RNF20: variants seen among roughly 807,000 people sequenced by gnomAD.
RNF20 encodes E3 ubiquitin-protein ligase BRE1A.
A neutral mutation model predicts 126.2 loss-of-function variants in RNF20; 84 were observed. That is an observed-to-expected ratio of 0.67 (90% CI 0.56 to 0.80). The LOEUF is 0.80. RNF20 is among the 30% of genes least tolerant of loss of function. RNF20 has a pLI of 0.00. For synonymous variants in RNF20, 400 were observed against 414.3 expected (o/e 0.97, Z 0.42); for missense variants, 869 against 1,188.2 (o/e 0.73, Z 3.95).
Position 101,560,743 on chromosome 9 carries a change from G to GT in RNF20, c.2383-50dup, listed in dbSNP as rs887962055. The GT allele has an allele frequency of 1.6e-4, 243 of 1,508,630 alleles. 3 individuals carry two copies. In the East Asian group the frequency reaches 4.6e-3, roughly 29 times the overall value. The allele number at this position is 1,508,630 out of a possible 1,614,324, so 93.5% of individuals were successfully genotyped here. On this transcript the variant is annotated intron_variant, in intron 16 of 19. Coordinates refer to ENST00000389120, the MANE Select transcript of RNF20 (RefSeq NM_019592.7). ...TGTGGGCTTATAGATTAACAGAATA[G>GT]TTTTTTTTCTTTTTTTAATCTTTTC...
chr9:101,555,571 A>G (rs553745034), intron 15 of RNF20, among the ~76,000 whole-genome samples: 15 of 152,272 alleles, frequency 9.9e-5, no homozygotes, highest in African/African-American at 3.1e-4. Context: ...TAACAGTGAG[A>G]TGGAGTAGGT....
intron 16 of RNF20, among the ~76,000 whole-genome samples, chr9:101,558,420 C>G (rs887985396): frequency 2.6e-5 from 4 of 151,988 alleles, no homozygotes; most frequent in African/African-American, 9.7e-5. Context: ...GGGTAGATAC[C>G]CGGAAGTGGG....
At chr9:101,559,245 C>A (rs536807046) in intron 16 of RNF20, among the ~76,000 whole-genome samples, 1 of 152,148 alleles carries the variant, frequency 6.6e-6, no homozygotes, top group Non-Finnish European at 1.5e-5. Context: ...TATTCTGTTA[C>A]ATTGGTTTAC....
At chr9:101,543,350 C>T (rs1490183694) in intron 5 of RNF20, among the ~76,000 whole-genome samples, 5 of 146,918 alleles carry the variant, frequency 3.4e-5, no homozygotes, top group South Asian at 2.2e-4. Context: ...CCTTCCAGGG[C>T]GGCACTGTCT....
chr9:101,548,282 GT>G (rs1051440376), intron 9 of RNF20, among the ~76,000 whole-genome samples: 7 of 152,182 alleles, frequency 4.6e-5, no homozygotes, highest in Non-Finnish European at 8.8e-5. Context: ...ATCTAAAAAA[GT>G]CAAAATCTTG....
chr9:101,560,892 T>A lies in RNF20; in HGVS notation c.2474T>A (p.Leu825His), dbSNP rs1317384908. 1.2e-6 allele frequency: 2 copies of A among 1,613,298 alleles called. No individual in the cohort carries two copies. Among genetic ancestry groups the A allele is most frequent in the Non-Finnish European group, 1.7e-6 (2 of 1,179,558 alleles). The change falls in exon 17 of 20, where the codon CTT becomes CAT. Residue 825 changes from leucine to histidine, a missense_variant. Around this residue, in one of 8 missense-constraint regions of RNF20, gnomAD observed 150 missense variants for 173.7 expected, o/e 0.86. Coordinates refer to ENST00000389120, the MANE Select transcript of RNF20 (RefSeq NM_019592.7). ...GGCACAGGGGAGAAAGAGCTGGGTC[T>A]TAGGACCCAAGCCTTAGAGATGAAT... ...NIGTGEKELG[L>H]RTQALEMNKR...
chr9:101,545,370 T>C (rs953340109), intron 6 of RNF20, among the ~76,000 whole-genome samples: 5 of 152,258 alleles, frequency 3.3e-5, no homozygotes, highest in Admixed American at 2.6e-4. Flanking sequence ...TGAATTCTTA[T>C]GCTAATTAGT....
chr9:101,548,956 CAG>C (rs1449915652), intron 9 of RNF20, among the ~76,000 whole-genome samples: 2 of 152,182 alleles, frequency 1.3e-5, no homozygotes, highest in African/African-American at 2.4e-5. Flanking sequence ...GCTACCAAAA[CAG>C]AGAAAGAAAC....
rs1342837027 is a variant in RNF20, at chr9:101,552,671, G to A, written c.1819G>A (p.Ala607Thr). 6.5e-7 allele frequency: 1 copy of A among 1,531,772 alleles called. No homozygotes were observed. The highest frequency in any genetic ancestry group is 1.7e-5 in the Admixed American group (1 of 59,940). 94.9% of individuals were successfully genotyped at this position (1,531,772 alleles called of 1,614,324 possible). Residue 607 changes from alanine to threonine, a missense_variant, in exon 13 of 20, where the codon GCT becomes ACT. Transcript: ENST00000389120. ...AGAGTCAGAAAAAGAGAGAGATTCT[G>A]CTAAGGATAAAGAGAAAGGCAAACA... ...LKESEKERDSAKDKEKGKHDD... is the reference protein window; with the variant it reads ...LKESEKERDSTKDKEKGKHDD...
intron 16 of RNF20, among the ~76,000 whole-genome samples, chr9:101,558,240 A>G (rs530592620): frequency 6.6e-6 from 1 of 152,028 alleles, no homozygotes; most frequent in African/African-American, 2.4e-5. Flanking sequence ...GCGTCCTCAC[A>G]GCTTAGCTCC....
chr9:101,535,735 T>A (rs527780955), intron 2 of RNF20, among the ~76,000 whole-genome samples, 183 bp downstream of exon 2: 1 of 152,330 alleles, frequency 6.6e-6, no homozygotes, highest in South Asian at 2.1e-4. Flanking sequence ...GATTGATAGT[T>A]GTTCTTTGTT....
In RNF20 at chr9:101,553,215, A is replaced by G. The variant is rs568482159; in HGVS notation, c.1901+462A>G. ...ATGCCATATCTTTCTTAGGAGATTT[A>G]CTCCTATACACATTGACACACTAAG... is the stretch of plus-strand genomic sequence containing the variant. On this transcript the variant is annotated intron_variant, in intron 13 of 19. Transcript: ENST00000389120. Among the ~76,000 whole-genome samples, 8 of 152,264 alleles carry G rather than the reference A, an allele frequency of 5.3e-5. No homozygotes were observed. In the South Asian group the frequency reaches 1.7e-3, roughly 32 times the overall value.
At chr9:101,542,814 G>C (rs923790467) in intron 5 of RNF20, among the ~76,000 whole-genome samples, 3 of 152,166 alleles carry the variant, frequency 2.0e-5, no homozygotes, top group Non-Finnish European at 4.4e-5. Context: ...GCATTTTAAG[G>C]TCGGGTTTAA....
rs143979990 is a variant in RNF20 at position 101,535,461 on chromosome 9, C to T, written c.38C>T (p.Pro13Leu). The change falls in exon 2 of 20, where the codon CCT becomes CTT. Residue 13 changes from proline to leucine, a missense_variant. Physicochemically the swap from Pro to Leu is moderately conservative, Grantham distance 98 (BLOSUM62 -3). Transcript: ENST00000389120. ...GIGNKRAAGE[P>L]GTSMPPEKKA... ...GGAAATAAAAGAGCAGCTGGAGAACCTGGCACCTCCATGCCTCCTGAGAAG... is the reference window on the plus strand; with the variant it reads ...GGAAATAAAAGAGCAGCTGGAGAACTTGGCACCTCCATGCCTCCTGAGAAG... 38 of 1,613,798 alleles carry T rather than the reference C, an allele frequency of 2.4e-5. No individual in the cohort carries two copies. In the African/African-American group the frequency reaches 4.8e-4, roughly 20 times the overall value.
At chr9:101,546,054 C>G (rs916933270) in intron 6 of RNF20, among the ~76,000 whole-genome samples, 1 of 152,148 alleles carries the variant, frequency 6.6e-6, no homozygotes, top group African/African-American at 2.4e-5. Flanking sequence ...CATGGCCTTT[C>G]TGATATAGCC....
rs979872983 is a variant in RNF20 at position 101,552,585 on chromosome 9, G to A, written c.1733G>A (p.Arg578Lys). 9 of 1,595,588 alleles carry A rather than the reference G, an allele frequency of 5.6e-6. No individual in the cohort carries two copies. The highest frequency in any genetic ancestry group is 5.0e-5 in the Admixed American group (3 of 59,896). ...GAACGAGAAAGGAGGGAGAAGGAGA[G>A]GGAACGAGAAAGAGAACGGGAGAAG... ...ERERERREKE[R>K]EREREREKEK... The change falls in exon 13 of 20, where the codon AGG becomes AAG. Residue 578 changes from arginine (R) to lysine (K), a missense_variant. Physicochemically the swap from Arg to Lys is conservative, Grantham distance 26. Around this residue, in one of 8 missense-constraint regions of RNF20, gnomAD observed 231 missense variants for 263.6 expected, o/e 0.88. Coordinates refer to ENST00000389120, the MANE Select transcript of RNF20 (RefSeq NM_019592.7).
At position 101,560,913 on chromosome 9, in the gene RNF20, T is replaced by C. The variant is rs1827616270; in HGVS notation, c.2495T>C (p.Met832Thr). 1 of 1,611,642 alleles carries C rather than the reference T, an allele frequency of 6.2e-7. No homozygotes were observed. The highest frequency in any genetic ancestry group is 1.7e-5 in the Admixed American group (1 of 59,452). The change falls in exon 17 of 20, where the codon ATG becomes ACG. Residue 832 changes from methionine (M) to threonine (T), a missense_variant. Transcript: ENST00000389120. ...GGTCTTAGGACCCAAGCCTTAGAGA[T>C]GAATAAACGCAAGGTATGATTGATT... ...ELGLRTQALEMNKRKAMEAAQ... is the reference protein window; with the variant it reads ...ELGLRTQALETNKRKAMEAAQ...
intron 2 of RNF20, among the ~76,000 whole-genome samples, chr9:101,536,762 A>G (rs1827191261): frequency 1.3e-5 from 2 of 152,196 alleles, no homozygotes; most frequent in African/African-American, 4.8e-5. Context: ...TGGGAAGCAC[A>G]TAGCACACAC....
intron 2 of RNF20, among the ~76,000 whole-genome samples, chr9:101,535,828 AG>A (rs775663189): frequency 2.0e-5 from 3 of 152,198 alleles, no homozygotes; most frequent in Non-Finnish European, 4.4e-5. Context: ...AGCAGTGGGA[AG>A]ATACACATTT....
Sources: gnomAD v4.1 joint callset for allele counts (sites outside exome capture counted in the v4.1 genomes callset) on GRCh38, gnomAD v4.1.1 for gene constraint, gnomAD v4.1.1 regional missense constraint, MANE v1.5 for transcripts, NCBI Gene and HGNC (gene_info 2026-07-23, HGNC 2026-07-21) for gene names.